FAM149B1: variants seen among roughly 807,000 people sequenced by gnomAD.
The protein encoded by FAM149B1 is primary cilium assembly protein FAM149B1.
A neutral mutation model predicts 75.3 loss-of-function variants in FAM149B1; 56 were observed. The ratio of observed to expected loss-of-function variants is 0.74; its 90% CI spans 0.60 to 0.93. The LOEUF is 0.93. Among genes scored for constraint, FAM149B1 ranks in the 40% least tolerant of loss-of-function variants. FAM149B1 has a pLI of 0.00. For synonymous variants in FAM149B1, 259 were observed against 256.1 expected (o/e 1.01, Z -0.11); for missense variants, 639 against 708.4 (o/e 0.90, Z 1.11).
intron 5 of FAM149B1, among the ~76,000 whole-genome samples, chr10:73,199,249 G>T (rs531929163): frequency 2.0e-5 from 3 of 150,470 alleles, no homozygotes; most frequent in African/African-American, 7.3e-5. Flanking sequence ...ATGGAGTCTC[G>T]CTCTGTCGCC....
intron 1 of FAM149B1, among the ~76,000 whole-genome samples, chr10:73,171,035 T>C (rs1331376764): frequency 6.6e-6 from 1 of 152,116 alleles, no homozygotes; most frequent in African/African-American, 2.4e-5. Context: ...TGGTGCCATC[T>C]TGGCTCAGTT....
chr10:73,193,361 T>G, intron 4 of FAM149B1, 116 bp from the exon 5 acceptor site: 2 of 927,156 alleles, frequency 2.2e-6, no homozygotes, highest in Non-Finnish European at 3.2e-6. Context: ...TTAATCAGTA[T>G]CAGACTGTAT....
intron 5 of FAM149B1, among the ~76,000 whole-genome samples, chr10:73,205,494 C>A (rs1358578252): frequency 1.3e-5 from 2 of 152,082 alleles, no homozygotes; most frequent in Non-Finnish European, 2.9e-5. Context: ...GAGCCATAAG[C>A]CAATTAAACC....
In FAM149B1 at chr10:73,237,268, G is replaced by A. The variant is rs535840076; in HGVS notation, c.1602+1950G>A. On this transcript the variant is annotated intron_variant, in intron 12 of 13. Transcript: ENST00000242505. The stretch of plus-strand genomic sequence containing the variant: ...TTAGGGAGAAACTCACCAAAAACAA[G>A]AAAAGGAAACATGAGCATTTCTGAT... 1.5e-4 allele frequency among the ~76,000 whole-genome samples: 23 copies of A among 152,274 alleles called. No homozygotes were observed. In the South Asian group the frequency reaches 4.8e-3, roughly 32 times the overall value.
At chr10:73,200,453 T>C in intron 5 of FAM149B1, 1 of 615,672 alleles carries the variant, frequency 1.6e-6, no homozygotes, top group Non-Finnish European at 3.2e-6. Context: ...ATGCAAAAAC[T>C]GCAGGCTGAA....
intron 5 of FAM149B1, among the ~76,000 whole-genome samples, chr10:73,195,726 A>G (rs1210254737): frequency 6.6e-6 from 1 of 152,052 alleles, no homozygotes; most frequent in Non-Finnish European, 1.5e-5. Flanking sequence ...TGCTACCACC[A>G]CTGTTGATTA....
In FAM149B1 at chr10:73,243,881, GC is replaced by G; in HGVS notation, c.*2866del. 6.2e-7 allele frequency: 1 copy of G among 1,614,030 alleles called. No homozygotes were observed. Among genetic ancestry groups the G allele is most frequent in the South Asian group, 1.1e-5 (1 of 91,076 alleles). Reference sequence around the variant, plus strand: ...TTCAGGCTATCCACGCCTTCATCAAGCCCCAACTCCTTTCTGCTCATTTCTG... The same window carrying G: ...TTCAGGCTATCCACGCCTTCATCAAGCCCAACTCCTTTCTGCTCATTTCTG... On this transcript the variant is annotated 3_prime_UTR_variant, in exon 14 of 14. Coordinates refer to ENST00000242505, the MANE Select transcript of FAM149B1 (RefSeq NM_173348.2).
At chr10:73,193,702 G>A in intron 5 of FAM149B1, 109 bp downstream of exon 5, 1 of 1,030,548 alleles carries the variant, frequency 9.7e-7, no homozygotes, top group Non-Finnish European at 1.4e-6. Context: ...TTAGTATTTA[G>A]TAAAGCATAG....
In FAM149B1 at chr10:73,241,113, C is replaced by A; in HGVS notation, c.*94C>A. 1 of 771,516 alleles carries A rather than the reference C, an allele frequency of 1.3e-6. No individual in the cohort carries two copies. Among genetic ancestry groups the A allele is most frequent in the African/African-American group, 1.8e-5 (1 of 55,624 alleles). 47.8% of individuals were successfully genotyped at this position (771,516 alleles called of 1,614,324 possible). On this transcript the variant is annotated 3_prime_UTR_variant, in exon 14 of 14. Transcript: ENST00000242505. Reference sequence around the variant, plus strand: ...GTGATGCAGAGCTTGTATAGAAGATCGACTAGAAATCATCTTCATGAAGAG... The same window carrying A: ...GTGATGCAGAGCTTGTATAGAAGATAGACTAGAAATCATCTTCATGAAGAG...
In FAM149B1 at chr10:73,235,433, T is replaced by C. The variant is rs974400986; in HGVS notation, c.1602+115T>C. ...TAGAGGCTTAACCCAGAATAAAAGT[T>C]GAGTTTCCAACAATAAAAAGTGTTA... On this transcript the variant is annotated intron_variant, in intron 12 of 13. Transcript: ENST00000242505. The C allele has an allele frequency of 2.7e-6, 4 of 1,471,194 alleles. No individual in the cohort carries two copies. The African/African-American group carries it at 5.7e-5, about 21-fold the overall frequency. The allele number at this position is 1,471,194 out of a possible 1,614,324, so 91.1% of individuals were successfully genotyped here.
intron 1 of FAM149B1, among the ~76,000 whole-genome samples, chr10:73,172,010 A>C (rs1365182145): frequency 6.6e-6 from 1 of 152,064 alleles, no homozygotes; most frequent in African/African-American, 2.4e-5. Context: ...TCACCCCTAT[A>C]TATGTCATTA....
At chr10:73,196,324 CT>C (rs1035328920) in intron 5 of FAM149B1, among the ~76,000 whole-genome samples, 241 of 144,292 alleles carry the variant, frequency 1.7e-3, no homozygotes, top group Admixed American at 1.3e-3. Context: ...GCCCCCCACC[CT>C]TTTTTTTTTT....
chr10:73,243,549 A>C lies in FAM149B1; in HGVS notation c.*2530A>C. 1 of 1,613,640 alleles carries C rather than the reference A, an allele frequency of 6.2e-7. No individual in the cohort carries two copies. Among genetic ancestry groups the C allele is most frequent in the African/African-American group, 1.3e-5 (1 of 74,988 alleles). On this transcript the variant is annotated 3_prime_UTR_variant, in exon 14 of 14. Transcript: ENST00000242505. ...TTGAGAAGTTAAAACACAAGCTTTC[A>C]CAACATTATCCATAGACAGAAAGTA...
Position 73,233,178 on chromosome 10 carries a change from C to T in FAM149B1, c.1352+15C>T. 6.6e-7 allele frequency: 1 copy of T among 1,520,840 alleles called. No individual in the cohort carries two copies. The highest frequency in any genetic ancestry group is 1.2e-5 in the South Asian group (1 of 83,392). 94.2% of individuals were successfully genotyped at this position (1,520,840 alleles called of 1,614,324 possible). A position where few individuals can be genotyped will look rare whatever the true frequency, so the allele number is the denominator to read the frequency against. ...GGAGCCCGAGTGTAGGTTTCAAAAG[C>T]AGAACTTCTGGAAACCGTGGTAAAA... On this transcript the variant is annotated intron_variant, in intron 10 of 13. Transcript: ENST00000242505.
chr10:73,240,807 T>C (rs1388856561), intron 13 of FAM149B1, 139 bp from the exon 14 acceptor site: 1 of 600,746 alleles, frequency 1.7e-6, no homozygotes, highest in African/African-American at 1.9e-5. Context: ...TAGTGGGCTC[T>C]TCTACAAAAC....
At chr10:73,227,988 T>G (rs566349677) in intron 7 of FAM149B1, 72 bp from the exon 8 acceptor site, 5 of 1,424,894 alleles carry the variant, frequency 3.5e-6, no homozygotes, top group Admixed American at 2.0e-5. Flanking sequence ...TCAGGAGAGA[T>G]CTTTTTTCAC....
chr10:73,235,775 A>G (rs1193761305), intron 12 of FAM149B1, among the ~76,000 whole-genome samples: 2 of 152,150 alleles, frequency 1.3e-5, no homozygotes, highest in Non-Finnish European at 2.9e-5. Flanking sequence ...GGCTCAAGCA[A>G]TCCTGCCTTA....
intron 10 of FAM149B1, chr10:73,234,289 T>C (rs753127149): frequency 1.3e-4 from 20 of 154,594 alleles, no homozygotes; most frequent in Non-Finnish European, 2.4e-4. Context: ...CAGTACTTTT[T>C]TTCAAAGTTG....
At position 73,210,437 on chromosome 10, in the gene FAM149B1, TG is replaced by T. The variant is rs758325083; in HGVS notation, c.898+1del. ...GTAGTCACTGGGAAGGATTTGCCTC[TG>T]GTAAGGATCTTTGTGAAAATAATGT... Reference protein sequence around the residue: ...TRSHWEGFASDDESNVAVTRP... With the variant: ...TRSHWEGFASXDESNVAVTRP... On this transcript the variant is annotated frameshift_variant and splice_region_variant, in exon 7 of 14. Coordinates refer to ENST00000242505, the MANE Select transcript of FAM149B1 (RefSeq NM_173348.2). LOFTEE classifies it high-confidence loss of function. 54 of 1,535,290 alleles carry T rather than the reference TG, an allele frequency of 3.5e-5. No homozygotes were observed. The African/African-American group carries it at 6.9e-4, about 20-fold the overall frequency.
Sources: allele counts gnomAD v4.1 joint callset (sites outside exome capture counted in the v4.1 genomes callset), GRCh38; gene constraint gnomAD v4.1.1; transcripts MANE v1.5; gene names NCBI Gene and HGNC (gene_info 2026-07-23, HGNC 2026-07-21).